The following CSNK2A2IP variants were observed in gnomAD, a reference collection of about 807,000 sequenced individuals.
The protein encoded by CSNK2A2IP is casein kinase II subunit alpha'-interacting protein.
the CSNK2A2IP span, among the ~76,000 whole-genome samples, chr3:88,418,463 T>C: frequency 0.015 from 2,267 of 149,600 alleles, 40 homozygotes; most frequent in African/African-American, 0.042. Context: ...TGTGTGTGTG[T>C]GCGCGCGGGC....
chr3:88,366,042 C>G, the CSNK2A2IP span, among the ~76,000 whole-genome samples: 1 of 152,112 alleles, frequency 6.6e-6, no homozygotes, highest in Non-Finnish European at 1.5e-5. Flanking sequence ...CTGTACCCAA[C>G]GAGATTATAA....
chr3:88,349,541 G>A, the CSNK2A2IP span, among the ~76,000 whole-genome samples: 58,207 of 151,928 alleles, frequency 0.38, 14,141 homozygotes, highest in South Asian at 0.6. Context: ...TTGGTTGATG[G>A]GCATTTAGGT....
chr3:88,434,577 C>G, the CSNK2A2IP span, among the ~76,000 whole-genome samples: 3 of 152,156 alleles, frequency 2.0e-5, no homozygotes, highest in Non-Finnish European at 4.4e-5. Flanking sequence ...AGCATCTTCT[C>G]TTAATCATTC....
the CSNK2A2IP span, among the ~76,000 whole-genome samples, chr3:88,402,975 C>T: frequency 6.6e-6 from 1 of 151,996 alleles, no homozygotes; most frequent in East Asian, 1.9e-4. Context: ...CAAATTCAAA[C>T]CAATTTAAAA....
At chr3:88,441,014 T>C in the CSNK2A2IP span, among the ~76,000 whole-genome samples, 1 of 152,178 alleles carries the variant, frequency 6.6e-6, no homozygotes, top group African/African-American at 2.4e-5. Context: ...TAATAACCTG[T>C]TCAAAGAGTT....
chr3:88,405,125 A>G, the CSNK2A2IP span, among the ~76,000 whole-genome samples: 1 of 152,100 alleles, frequency 6.6e-6, no homozygotes, highest in South Asian at 2.1e-4. Context: ...CTTTCACTAT[A>G]AATTCCACTT....
At chr3:88,375,253 C>T in the CSNK2A2IP span, among the ~76,000 whole-genome samples, 1 of 151,700 alleles carries the variant, frequency 6.6e-6, no homozygotes, top group Admixed American at 6.6e-5. Flanking sequence ...GTTTTACCAT[C>T]CTTTTTTGAA....
chr3:88,370,819 A>G, the CSNK2A2IP span, among the ~76,000 whole-genome samples: 1 of 151,770 alleles, frequency 6.6e-6, no homozygotes, highest in South Asian at 2.1e-4. Flanking sequence ...GAACTAATTA[A>G]ATTTAAATGA....
chr3:88,399,001 A>G, the CSNK2A2IP span, among the ~76,000 whole-genome samples: 1 of 152,174 alleles, frequency 6.6e-6, no homozygotes, highest in South Asian at 2.1e-4. Flanking sequence ...GTTTAAGGAT[A>G]CAAAGATGAA....
chr3:88,429,831 C>A, the CSNK2A2IP span, among the ~76,000 whole-genome samples: 2 of 152,250 alleles, frequency 1.3e-5, no homozygotes, highest in South Asian at 4.1e-4. Flanking sequence ...CAGCTCACTG[C>A]AAGCTCCGCC....
the CSNK2A2IP span, among the ~76,000 whole-genome samples, chr3:88,390,201 C>G: frequency 1.5e-4 from 23 of 152,130 alleles, no homozygotes; most frequent in Middle Eastern, 0.014. Flanking sequence ...TACAATAGAC[C>G]TGATACACTT....
the CSNK2A2IP span, among the ~76,000 whole-genome samples, chr3:88,379,195 C>T: frequency 6.6e-6 from 1 of 152,012 alleles, no homozygotes; most frequent in African/African-American, 2.4e-5. Context: ...CTCTAATCAG[C>T]ATTTTGCACA....
chr3:88,353,770 G>A, the CSNK2A2IP span, among the ~76,000 whole-genome samples: 66,651 of 152,016 alleles, frequency 0.44, 15,861 homozygotes, highest in South Asian at 0.62. Flanking sequence ...GAATTTTGAG[G>A]AGTTGGTGAG....
chr3:88,463,621 A>G, the CSNK2A2IP span, among the ~76,000 whole-genome samples: 2 of 152,186 alleles, frequency 1.3e-5, no homozygotes, highest in Admixed American at 6.5e-5. Context: ...CACACCAGTT[A>G]GAATGGCAAT....
chr3:88,420,738 T>C, the CSNK2A2IP span, among the ~76,000 whole-genome samples: 1 of 150,036 alleles, frequency 6.7e-6, no homozygotes, highest in Non-Finnish European at 1.5e-5. Flanking sequence ...GGAATGTATG[T>C]TATTTGGTTT....
chr3:88,465,974 C>T, the CSNK2A2IP span: 1 of 1,231,596 alleles, frequency 8.1e-7, no homozygotes, highest in East Asian at 3.2e-5. Context: ...TCCTTGGGAC[C>T]CAAACGAAAA....
chr3:88,456,235 C>A, the CSNK2A2IP span, among the ~76,000 whole-genome samples: 13 of 151,978 alleles, frequency 8.6e-5, no homozygotes, highest in Non-Finnish European at 1.3e-4. Flanking sequence ...GCAAGCAATG[C>A]TATTGGAATT....
chr3:88,415,308 A>C, the CSNK2A2IP span, among the ~76,000 whole-genome samples: 8 of 152,188 alleles, frequency 5.3e-5, no homozygotes, highest in African/African-American at 1.7e-4. Context: ...TTTATAATGA[A>C]GATAAATTCA....
chr3:88,382,067 A>T, the CSNK2A2IP span, among the ~76,000 whole-genome samples: 1 of 152,156 alleles, frequency 6.6e-6, no homozygotes, highest in African/African-American at 2.4e-5. Context: ...CTCTCTCCCA[A>T]TCTGATTCTT....
Sources: gnomAD v4.1 joint callset for allele counts (sites outside exome capture counted in the v4.1 genomes callset) on GRCh38, gnomAD v4.1.1 for gene constraint, MANE v1.5 for transcripts, NCBI Gene and HGNC (gene_info 2026-07-23, HGNC 2026-07-21) for gene names.